The following CTNNA3 variants were observed in gnomAD, a reference collection of about 807,000 sequenced individuals.
CTNNA3 encodes the protein catenin alpha-3.
CTNNA3 carries 76 observed loss-of-function variants against 95.7 expected under a neutral mutation model. The observed-to-expected ratio is 0.79, with a 90% confidence interval of 0.66 to 0.96. The LOEUF is 0.96. CTNNA3 is among the 40% of genes least tolerant of loss of function. CTNNA3 has a pLI of 0.00. For missense variants in CTNNA3, 1,191 were observed against 1,089.8 expected (o/e 1.09, Z -1.31); for synonymous variants, 431 against 374.4 (o/e 1.15, Z -1.74).
intron 15 of CTNNA3, among the ~76,000 whole-genome samples, chr10:66,058,603 G>C (rs1402786480): frequency 6.6e-6 from 1 of 152,136 alleles, no homozygotes; most frequent in South Asian, 2.1e-4. Context: ...CATGAGGAAA[G>C]CTGAGAGCTC....
intron 13 of CTNNA3, among the ~76,000 whole-genome samples, chr10:66,187,935 T>C (rs951903741): frequency 6.6e-6 from 1 of 152,134 alleles, no homozygotes; most frequent in Admixed American, 6.6e-5. Flanking sequence ...AGCTCATACA[T>C]TGGACTTACT....
At position 66,096,526 on chromosome 10, in the gene CTNNA3, C is replaced by CT. The variant is rs5785749; in HGVS notation, c.1977+6630dup. Among the ~76,000 whole-genome samples the CT allele has an allele frequency of 2.4e-3, 324 of 135,424 alleles. 6 individuals carry two copies. Among genetic ancestry groups the CT allele is most frequent in the African/African-American group, 6.4e-3 (235 of 36,778 alleles). 88.8% of individuals were successfully genotyped at this position (135,424 alleles called of 152,430 possible). ...CTTTTTTCTTTCTTTTCTTTTCTTT[C>CT]TTTTTTTTTTTTTTTAGGCAGTCTC... On this transcript the variant is annotated intron_variant, in intron 14 of 17. Coordinates refer to ENST00000433211, the MANE Select transcript of CTNNA3 (RefSeq NM_013266.4).
chr10:67,354,345 T>C (rs1842735911), intron 5 of CTNNA3, among the ~76,000 whole-genome samples: 1 of 152,060 alleles, frequency 6.6e-6, no homozygotes, highest in Admixed American at 6.6e-5. Flanking sequence ...TTTAACATCC[T>C]TTGTCTGAGC....
chr10:67,265,122 T>G (rs1449921412), intron 5 of CTNNA3, among the ~76,000 whole-genome samples: 1 of 152,166 alleles, frequency 6.6e-6, no homozygotes, highest in Non-Finnish European at 1.5e-5. Context: ...TTGCCATACC[T>G]AGTATAAGTC....
chr10:67,632,873 G>A (rs554599032), intron 2 of CTNNA3, among the ~76,000 whole-genome samples: 2 of 152,176 alleles, frequency 1.3e-5, no homozygotes, highest in South Asian at 2.1e-4. Flanking sequence ...TAAAACCAGG[G>A]AGCCAAACAG....
chr10:67,294,245 C>A (rs751543802), intron 5 of CTNNA3, among the ~76,000 whole-genome samples: 1 of 151,982 alleles, frequency 6.6e-6, no homozygotes, highest in African/African-American at 2.4e-5. Flanking sequence ...TATTTAGAGA[C>A]CCAAATATAT....
chr10:67,074,687 A>C (rs1198138049), intron 7 of CTNNA3, among the ~76,000 whole-genome samples: 1 of 152,218 alleles, frequency 6.6e-6, no homozygotes, highest in Admixed American at 6.5e-5. Context: ...TCTAGAGAAA[A>C]TGTCCTTCTA....
At chr10:67,662,739 T>A (rs1216118200) in intron 1 of CTNNA3, among the ~76,000 whole-genome samples, 2 of 152,136 alleles carry the variant, frequency 1.3e-5, no homozygotes, top group African/African-American at 4.8e-5. Context: ...CAAAGAAACT[T>A]TTTAGCATGT....
intron 17 of CTNNA3, among the ~76,000 whole-genome samples, chr10:65,942,029 G>T (rs1162603113): frequency 6.6e-6 from 1 of 152,190 alleles, no homozygotes; most frequent in South Asian, 2.1e-4. Flanking sequence ...TACTGAAATG[G>T]TATATTTAAA....
At chr10:67,018,564 TAGAC>T (rs1244126180) in intron 7 of CTNNA3, among the ~76,000 whole-genome samples, 1 of 152,206 alleles carries the variant, frequency 6.6e-6, no homozygotes, top group Non-Finnish European at 1.5e-5. Context: ...AGAGCAGTAA[TAGAC>T]AGACCTGCTA....
At chr10:67,496,058 A>C (rs530346836) in intron 5 of CTNNA3, among the ~76,000 whole-genome samples, 1 of 152,318 alleles carries the variant, frequency 6.6e-6, no homozygotes, top group Admixed American at 6.5e-5. Context: ...GTGAAAGTGA[A>C]ATGCTGTGTA....
intron 5 of CTNNA3, among the ~76,000 whole-genome samples, chr10:67,296,810 T>C (rs1478049320): frequency 1.3e-5 from 2 of 151,692 alleles, no homozygotes; most frequent in East Asian, 3.9e-4. Context: ...GGCAGGTGCC[T>C]GTAATCCCAG....
At chr10:66,935,767 T>C (rs917248013) in intron 7 of CTNNA3, among the ~76,000 whole-genome samples, 11 of 150,660 alleles carry the variant, frequency 7.3e-5, no homozygotes, top group Non-Finnish European at 1.5e-4. Flanking sequence ...TTTTATGCGT[T>C]TCGTAAACTC....
intron 2 of CTNNA3, among the ~76,000 whole-genome samples, chr10:67,633,504 C>A (rs558534288): frequency 1.3e-5 from 2 of 152,292 alleles, no homozygotes; most frequent in African/African-American, 4.8e-5. Context: ...AGTACCCCCA[C>A]TGGGACAGAG....
intron 12 of CTNNA3, among the ~76,000 whole-genome samples, chr10:66,327,724 A>G (rs1416016883): frequency 6.6e-6 from 1 of 152,020 alleles, no homozygotes; most frequent in Non-Finnish European, 1.5e-5. Context: ...GTATATTGAT[A>G]TTTAGAAAGA....
rs1564896651 is a variant in CTNNA3, at chr10:66,360,719, T to TTCTTTCTTTCCTC, written c.1732+18432_1732+18433insGAGGAAAGAAAGA. ...TTCTTTCTTTCTTTCCTCCTTCCTT[T>TTCTTTCTTTCCTC]CTTCCTTTCTTTCTTTCTTTCTTTC... On this transcript the variant is annotated intron_variant, in intron 12 of 17. Transcript: ENST00000433211. 3.2e-4 allele frequency among the ~76,000 whole-genome samples: 16 copies of TTCTTTCTTTCCTC among 50,742 alleles called. 2 individuals are homozygous for TTCTTTCTTTCCTC. Among genetic ancestry groups the TTCTTTCTTTCCTC allele is most frequent in the South Asian group, 1.9e-3 (2 of 1,070 alleles). The allele number at this position is 50,742 out of a possible 152,430, so 33.3% of individuals were successfully genotyped here.
intron 9 of CTNNA3, among the ~76,000 whole-genome samples, chr10:66,759,004 A>T (rs1270925500): frequency 6.6e-6 from 1 of 152,160 alleles, no homozygotes; most frequent in Non-Finnish European, 1.5e-5. Context: ...AATTTTGCAC[A>T]TGACAACTTT....
intron 17 of CTNNA3, among the ~76,000 whole-genome samples, chr10:65,938,954 A>C (rs535459285): frequency 2.6e-5 from 4 of 151,594 alleles, no homozygotes; most frequent in Non-Finnish European, 5.9e-5. Flanking sequence ...CCAGGCTGGA[A>C]TGCAGTGGCG....
At chr10:67,720,128 G>GTTTTTTTTTTT (rs1564839853) in intron 1 of CTNNA3, among the ~76,000 whole-genome samples, 1 of 2,660 alleles carries the variant, frequency 3.8e-4, no homozygotes, top group Non-Finnish European at 1.2e-3. Flanking sequence ...TGCAACCCCT[G>GTTTTTTTTTTT]CTTTTTTTTT....
Sources: allele counts gnomAD v4.1 joint callset (sites outside exome capture counted in the v4.1 genomes callset), GRCh38; gene constraint gnomAD v4.1.1; transcripts MANE v1.5; gene names NCBI Gene and HGNC (gene_info 2026-07-23, HGNC 2026-07-21).